The following PID1 variants were observed in gnomAD, a reference collection of about 807,000 sequenced individuals.
PID1 encodes PTB-containing, cubilin and LRP1-interacting protein.
Under a neutral mutation model 19.1 loss-of-function variants are expected in PID1, and 10 were observed. The ratio of observed to expected loss-of-function variants is 0.52; its 90% CI spans 0.32 to 0.89. The LOEUF (loss-of-function observed/expected upper bound fraction) is 0.89. Among genes scored for constraint, PID1 ranks in the 40% least tolerant of loss-of-function variants. The pLI is 0.03. For missense variants in PID1, 248 were observed against 285.3 expected (o/e 0.87, Z 0.94); for synonymous variants, 130 against 116.0 (o/e 1.12, Z -0.78).
At chr2:229,089,762 A>G (rs1694833968) in intron 2 of PID1, among the ~76,000 whole-genome samples, 1 of 152,242 alleles carries the variant, frequency 6.6e-6, no homozygotes, top group Admixed American at 6.5e-5. Flanking sequence ...GAAAGACAAC[A>G]TAGACTTCAG....
At position 229,237,377 on chromosome 2, in the gene PID1, T is replaced by TA. The variant is rs1444739855; in HGVS notation, c.30+33636dup. ...CAAATGTTATGTGAACATCTCCACT[T>TA]ACAATTTTCAGTCATTCAAGCGTAT... On this transcript the variant is annotated intron_variant, in intron 1 of 2. Coordinates refer to ENST00000392055, the MANE Select transcript of PID1 (RefSeq NM_001100818.2). Among the ~76,000 whole-genome samples, 23 of 152,202 alleles carry TA rather than the reference T, an allele frequency of 1.5e-4. 1 individual carries two copies. The highest frequency in any genetic ancestry group is 1.5e-5 in the Non-Finnish European group (1 of 68,036).
intron 2 of PID1, among the ~76,000 whole-genome samples, chr2:229,043,365 T>G (rs1693811850): frequency 6.6e-6 from 1 of 152,120 alleles, no homozygotes; most frequent in Non-Finnish European, 1.5e-5. Context: ...CAGAAGAAAG[T>G]ACTGATAATA....
intron 1 of PID1, among the ~76,000 whole-genome samples, chr2:229,166,254 A>C (rs1269521275): frequency 6.6e-6 from 1 of 152,206 alleles, no homozygotes; most frequent in Non-Finnish European, 1.5e-5. Flanking sequence ...CATTGTAGGA[A>C]ATAGATCAAT....
At chr2:229,203,353 C>T (rs1255931713) in intron 1 of PID1, among the ~76,000 whole-genome samples, 1 of 152,012 alleles carries the variant, frequency 6.6e-6, no homozygotes, top group Non-Finnish European at 1.5e-5. Flanking sequence ...TAAGTCTTCA[C>T]CTAATGTCAT....
At chr2:229,167,242 G>A (rs1336677638) in intron 1 of PID1, among the ~76,000 whole-genome samples, 4 of 152,082 alleles carry the variant, frequency 2.6e-5, no homozygotes, top group African/African-American at 9.7e-5. Context: ...TGATGAGAAT[G>A]AAGATATTTA....
intron 2 of PID1, among the ~76,000 whole-genome samples, chr2:229,054,482 G>A (rs184297924): frequency 1.2e-4 from 18 of 152,282 alleles, no homozygotes; most frequent in Admixed American, 8.5e-4. Flanking sequence ...GTCAAATGTT[G>A]AAAGCAGTGT....
intron 1 of PID1, among the ~76,000 whole-genome samples, chr2:229,241,321 G>A (rs1418327969): frequency 2.0e-5 from 3 of 152,056 alleles, no homozygotes; most frequent in African/African-American, 7.2e-5. Flanking sequence ...GCAATAACAG[G>A]ACTATTGATT....
intron 2 of PID1, among the ~76,000 whole-genome samples, chr2:229,058,458 C>T (rs757995026): frequency 2.8e-4 from 43 of 152,114 alleles, no homozygotes; most frequent in Non-Finnish European, 7.3e-5. Flanking sequence ...GATTCTCTTC[C>T]GGCTACATGA....
intron 2 of PID1, among the ~76,000 whole-genome samples, chr2:229,131,882 A>G (rs1689747930): frequency 6.6e-6 from 1 of 152,148 alleles, no homozygotes; most frequent in Admixed American, 6.5e-5. Flanking sequence ...GTTAAACAAC[A>G]GTGACATGAG....
At chr2:229,052,230 G>C (rs1228257355) in intron 2 of PID1, among the ~76,000 whole-genome samples, 2 of 152,058 alleles carry the variant, frequency 1.3e-5, no homozygotes, top group African/African-American at 4.8e-5. Context: ...TGGACCCAAA[G>C]GTTACAACTG....
chr2:229,166,895 T>C (rs1021094004), intron 1 of PID1, among the ~76,000 whole-genome samples: 6 of 149,710 alleles, frequency 4.0e-5, no homozygotes, highest in African/African-American at 1.5e-4. Flanking sequence ...TAACAATAAA[T>C]AATGGTTGTA....
At chr2:229,092,263 G>A (rs1694890946) in intron 2 of PID1, among the ~76,000 whole-genome samples, 1 of 152,114 alleles carries the variant, frequency 6.6e-6, no homozygotes, top group Non-Finnish European at 1.5e-5. Context: ...TGGTACAAAG[G>A]TGGAAAGACA....
chr2:229,118,952 C>T (rs1297714086), intron 2 of PID1, among the ~76,000 whole-genome samples: 1 of 152,124 alleles, frequency 6.6e-6, no homozygotes, highest in Admixed American at 6.5e-5. Context: ...TTGAAATGTA[C>T]CTGCTCAAAA....
Position 229,130,631 on chromosome 2 carries a change from T to C in PID1, c.177+25187A>G, listed in dbSNP as rs972817892. Among the ~76,000 whole-genome samples the C allele has an allele frequency of 8.5e-4, 129 of 152,154 alleles. 1 individual carries two copies. The highest frequency in any genetic ancestry group is 1.6e-3 in the Admixed American group (24 of 15,276). On this transcript the variant is annotated intron_variant, in intron 2 of 2. Coordinates refer to ENST00000392055, the MANE Select transcript of PID1 (RefSeq NM_001100818.2). ...TATGAATTTAGAGGCTCGTCAAAGTTCTCAATCCATGTCTGTTCACCTCCC... is the reference window on the plus strand; with the variant it reads ...TATGAATTTAGAGGCTCGTCAAAGTCCTCAATCCATGTCTGTTCACCTCCC...
At chr2:229,205,039 G>C (rs1252952300) in intron 1 of PID1, among the ~76,000 whole-genome samples, 1 of 151,948 alleles carries the variant, frequency 6.6e-6, no homozygotes, top group Non-Finnish European at 1.5e-5. Flanking sequence ...AAAAGAAGAA[G>C]GTAATGTTTT....
chr2:229,190,693 C>T (rs1409509686), intron 1 of PID1, among the ~76,000 whole-genome samples: 1 of 152,206 alleles, frequency 6.6e-6, no homozygotes, highest in Non-Finnish European at 1.5e-5. Context: ...TGCTTCCAAG[C>T]ATCATTACTA....
chr2:229,029,764 C>T (rs549188168), intron 2 of PID1, among the ~76,000 whole-genome samples: 68 of 149,704 alleles, frequency 4.5e-4, no homozygotes, highest in African/African-American at 1.5e-3. Flanking sequence ...CGCTTGAAAC[C>T]GGGAGGCAGA....
chr2:229,033,431 C>G (rs1693596824), intron 2 of PID1, among the ~76,000 whole-genome samples: 1 of 151,804 alleles, frequency 6.6e-6, no homozygotes, highest in East Asian at 1.9e-4. Flanking sequence ...AACACAAGAA[C>G]AGAAAACCAA....
chr2:229,131,293 C>T lies in PID1; in HGVS notation c.177+24525G>A, dbSNP rs189908234. 9.7e-4 allele frequency among the ~76,000 whole-genome samples: 147 copies of T among 150,878 alleles called. 1 individual carries two copies. The highest frequency in any genetic ancestry group is 3.5e-3 in the African/African-American group (143 of 40,956). On this transcript the variant is annotated intron_variant, in intron 2 of 2. Coordinates refer to ENST00000392055, the MANE Select transcript of PID1 (RefSeq NM_001100818.2). ...TCTCCCAGGCTGGAGTGCAGTGTTG[C>T]GATCTCAGCTCACTGCAGCCTCCAC...
Sources: gnomAD v4.1 joint callset for allele counts (sites outside exome capture counted in the v4.1 genomes callset) on GRCh38, gnomAD v4.1.1 for gene constraint, MANE v1.5 for transcripts, NCBI Gene and HGNC (gene_info 2026-07-23, HGNC 2026-07-21) for gene names.